Variants in TOPBP1 observed in about 807,000 individuals in gnomAD.
TOPBP1 encodes DNA topoisomerase II binding protein 1.
A neutral mutation model predicts 167.7 loss-of-function variants in TOPBP1; 28 were observed. The ratio of observed to expected loss-of-function variants is 0.17; its 90% CI spans 0.12 to 0.23. The LOEUF is 0.23. TOPBP1 is among the 10% of genes least tolerant of loss of function. The probability of loss-of-function intolerance (pLI) is 1.00; values close to 1 mark genes in which losing one functional copy is unlikely to be tolerated. For missense variants in TOPBP1, 1,554 were observed against 1,809.6 expected (o/e 0.86, Z 2.56); for synonymous variants, 598 against 611.4 (o/e 0.98, Z 0.32).
At chr3:133,607,112 G>T (rs1423634394) in intron 27 of TOPBP1, among the ~76,000 whole-genome samples, 1 of 152,140 alleles carries the variant, frequency 6.6e-6, no homozygotes, top group African/African-American at 2.4e-5. Context: ...GCAAAATATG[G>T]AATAACCAGA....
intron 10 of TOPBP1, among the ~76,000 whole-genome samples, chr3:133,646,357 T>C (rs1391582999): frequency 1.3e-5 from 2 of 151,930 alleles, no homozygotes; most frequent in Non-Finnish European, 2.9e-5. Context: ...AAGGATAGTA[T>C]GTAAAATTGC....
In TOPBP1 at chr3:133,639,403, T is replaced by C. The variant is rs144673979; in HGVS notation, c.2233+556A>G. 1.4e-3 allele frequency among the ~76,000 whole-genome samples: 216 copies of C among 152,078 alleles called. 1 individual carries two copies. The highest frequency in any genetic ancestry group is 4.9e-3 in the African/African-American group (204 of 41,472). On this transcript the variant is annotated intron_variant, in intron 13 of 27. Coordinates refer to ENST00000260810, the MANE Select transcript of TOPBP1 (RefSeq NM_007027.4). ...GCATGTTCTCACTCATAGATGGGAA[T>C]TGAACAGACACAGGGCAGGGAACAT...
intron 8 of TOPBP1, 119 bp downstream of exon 8, chr3:133,652,344 A>G: frequency 9.7e-7 from 1 of 1,031,208 alleles, no homozygotes; most frequent in Non-Finnish European, 1.4e-6. Context: ...CTACTTAGCT[A>G]GAGTGGAGGG....
chr3:133,648,803 A>G (rs1936176104), intron 10 of TOPBP1, among the ~76,000 whole-genome samples: 2 of 152,222 alleles, frequency 1.3e-5, no homozygotes, highest in South Asian at 4.1e-4. Context: ...TGCTTCAAAA[A>G]AAAAAAAAGT....
At chr3:133,640,242 A>C (rs1935852564) in intron 12 of TOPBP1, 72 bp from the exon 13 acceptor site, 1 of 1,300,480 alleles carries the variant, frequency 7.7e-7, no homozygotes, top group African/African-American at 1.5e-5. Context: ...AAAATTTCCA[A>C]CACAACAGTG....
intron 3 of TOPBP1, among the ~76,000 whole-genome samples, chr3:133,658,151 C>G (rs555361559): frequency 2.0e-5 from 3 of 152,232 alleles, no homozygotes; most frequent in African/African-American, 7.2e-5. Flanking sequence ...GCAAATCAAA[C>G]AATGCAAGCT....
chr3:133,641,369 G>T (rs1409039473), intron 12 of TOPBP1, among the ~76,000 whole-genome samples: 2 of 152,026 alleles, frequency 1.3e-5, no homozygotes, highest in Non-Finnish European at 2.9e-5. Flanking sequence ...ATATATATTT[G>T]TTTGTTTGTT....
intron 23 of TOPBP1, among the ~76,000 whole-genome samples, 188 bp downstream of exon 23, chr3:133,616,626 G>C (rs551663194): frequency 6.6e-6 from 1 of 152,294 alleles, no homozygotes; most frequent in African/African-American, 2.4e-5. Flanking sequence ...TAAATCCCAT[G>C]ATCTACTGAC....
intron 14 of TOPBP1, among the ~76,000 whole-genome samples, chr3:133,634,492 G>C (rs192195088): frequency 6.6e-6 from 1 of 152,154 alleles, no homozygotes; most frequent in East Asian, 1.9e-4. Context: ...CTGGGTCCTG[G>C]GTGACAGAGC....
At chr3:133,656,588 T>C (rs1405497063) in intron 5 of TOPBP1, 88 bp downstream of exon 5, 28 of 1,276,336 alleles carry the variant, frequency 2.2e-5, no homozygotes, top group Non-Finnish European at 2.8e-5. Flanking sequence ...TTTCCCTGAA[T>C]AGTAAGTCCA....
At chr3:133,615,744 T>C (rs936061430) in intron 23 of TOPBP1, among the ~76,000 whole-genome samples, 2 of 152,276 alleles carry the variant, frequency 1.3e-5, no homozygotes, top group African/African-American at 2.4e-5. Flanking sequence ...GAATGATAAA[T>C]ATATGTTTAA....
chr3:133,621,591 AG>A (rs1193079382), intron 19 of TOPBP1, among the ~76,000 whole-genome samples: 1 of 152,220 alleles, frequency 6.6e-6, no homozygotes, highest in African/African-American at 2.4e-5. Flanking sequence ...TTTATACATA[AG>A]GAACTTAAGC....
chr3:133,623,541 A>C (rs1935169407), intron 17 of TOPBP1, 84 bp from the exon 18 acceptor site: 1 of 1,412,818 alleles, frequency 7.1e-7, no homozygotes, highest in Non-Finnish European at 9.3e-7. Flanking sequence ...GACAAGCAAT[A>C]CATTATACTG....
Position 133,628,491 on chromosome 3 carries a change from G to T in TOPBP1, c.2695-20C>A. 1 of 1,606,786 alleles carries T rather than the reference G, an allele frequency of 6.2e-7. No homozygotes were observed. Among genetic ancestry groups the T allele is most frequent in the East Asian group, 2.2e-5 (1 of 44,722 alleles). ...TTCTTCCTGTCCATGGAAAATAAAAGAAACAGATCAGTCATTATTGTTTGA... is the reference window on the plus strand; with the variant it reads ...TTCTTCCTGTCCATGGAAAATAAAATAAACAGATCAGTCATTATTGTTTGA... On this transcript the variant is annotated intron_variant, in intron 15 of 27. Transcript: ENST00000260810.
At chr3:133,632,663 C>T (rs115660042) in intron 14 of TOPBP1, among the ~76,000 whole-genome samples, 2,477 of 152,326 alleles carry the variant, frequency 0.016, 27 homozygotes, top group Middle Eastern at 0.031. Context: ...CCTTCCTCTA[C>T]TTAAGAAGTA....
Position 133,656,559 on chromosome 3 carries a change from AG to A in TOPBP1, c.545+116del, listed in dbSNP as rs1161521378. On this transcript the variant is annotated intron_variant, in intron 5 of 27. Transcript: ENST00000260810. The stretch of plus-strand genomic sequence containing the variant: ...TGCTCTTCCGTTTTCGCTGGAGAAA[AG>A]AGTAATGACACTATTTTTTTCCCTG... 4 of 997,124 alleles carry A rather than the reference AG, an allele frequency of 4.0e-6. No homozygotes were observed. The African/African-American group carries it at 6.7e-5, about 17-fold the overall frequency. The allele number at this position is 997,124 out of a possible 1,614,324, so 61.8% of individuals were successfully genotyped here. A position where few individuals can be genotyped will look rare whatever the true frequency, so the allele number is the denominator to read the frequency against.
chr3:133,653,932 A>G (rs1471360928), intron 6 of TOPBP1, among the ~76,000 whole-genome samples: 2 of 152,294 alleles, frequency 1.3e-5, no homozygotes, highest in African/African-American at 4.8e-5. Flanking sequence ...GCGCCCGGCT[A>G]TAACAGGTTA....
At chr3:133,657,649 A>G in intron 4 of TOPBP1, 149 bp downstream of exon 4, 1 of 476,548 alleles carries the variant, frequency 2.1e-6, no homozygotes. Context: ...ACATGTATAC[A>G]TATATACACA....
intron 27 of TOPBP1, among the ~76,000 whole-genome samples, chr3:133,606,418 T>TCAA (rs1270634652): frequency 6.7e-6 from 1 of 150,300 alleles, no homozygotes; most frequent in Non-Finnish European, 1.5e-5. Flanking sequence ...AATAGAATGC[T>TCAA]CAACACTGTA....
Sources: allele counts gnomAD v4.1 joint callset (sites outside exome capture counted in the v4.1 genomes callset), GRCh38; gene constraint gnomAD v4.1.1; transcripts MANE v1.5; gene names NCBI Gene and HGNC (gene_info 2026-07-23, HGNC 2026-07-21).